Variants in DAPK2 observed in about 807,000 individuals in gnomAD.
DAPK2 encodes death-associated protein kinase 2.
In DAPK2, 35 loss-of-function variants were observed where a neutral mutation model predicts 44.1. The observed-to-expected ratio is 0.79, with a 90% confidence interval of 0.61 to 1.05. The LOEUF is 1.05. Among genes scored for constraint, DAPK2 ranks in the 50% least tolerant of loss-of-function variants. The probability of loss-of-function intolerance (pLI) is 0.00; values close to 1 mark genes in which losing one functional copy is unlikely to be tolerated. For missense variants in DAPK2, 453 were observed against 483.2 expected (o/e 0.94, Z 0.59); for synonymous variants, 174 against 182.6 (o/e 0.95, Z 0.38).
intron 8 of DAPK2, among the ~76,000 whole-genome samples, chr15:63,915,768 G>A (rs1338111847): frequency 3.3e-5 from 5 of 152,182 alleles, no homozygotes; most frequent in African/African-American, 1.2e-4. Context: ...GCAGCATGGG[G>A]CTATCATTCT....
chr15:63,920,044 T>A (rs1394067033), intron 8 of DAPK2: 1 of 152,190 alleles, frequency 6.6e-6, no homozygotes, highest in African/African-American at 2.4e-5. Context: ...TTTGCCATCT[T>A]TCATTGGTTC....
At chr15:63,915,764 T>C (rs2078910803) in intron 8 of DAPK2, among the ~76,000 whole-genome samples, 1 of 152,204 alleles carries the variant, frequency 6.6e-6, no homozygotes. Flanking sequence ...GGAGGCAGCA[T>C]GGGGCTATCA....
intron 3 of DAPK2, among the ~76,000 whole-genome samples, chr15:63,958,080 T>C (rs1221201085): frequency 6.6e-6 from 1 of 152,178 alleles, no homozygotes; most frequent in Non-Finnish European, 1.5e-5. Context: ...CTCATTGTGG[T>C]TTTGATTTGC....
At position 63,996,068 on chromosome 15, in the gene DAPK2, T is replaced by C. The variant is rs1454056732; in HGVS notation, c.93-12314A>G. ...TGATGACCTAGATGTTGGGTGTATTTCCTCCTTCTTCCTTTGCACCATGGA... is the reference window on the plus strand; with the variant it reads ...TGATGACCTAGATGTTGGGTGTATTCCCTCCTTCTTCCTTTGCACCATGGA... On this transcript the variant is annotated intron_variant, in intron 1 of 10. Coordinates refer to ENST00000261891, the Ensembl canonical transcript of DAPK2. Among the ~76,000 whole-genome samples the C allele has an allele frequency of 2.0e-5, 3 of 152,260 alleles. No homozygotes were observed. In the East Asian group the frequency reaches 5.8e-4, roughly 29 times the overall value.
At chr15:63,959,231 T>C (rs2077816302) in intron 3 of DAPK2, among the ~76,000 whole-genome samples, 1 of 152,244 alleles carries the variant, frequency 6.6e-6, no homozygotes. Flanking sequence ...CTGAAGTTGC[T>C]TATCAGCTTA....
chr15:64,018,276 C>G (rs1169804708), intron 1 of DAPK2, among the ~76,000 whole-genome samples: 1 of 152,142 alleles, frequency 6.6e-6, no homozygotes, highest in Non-Finnish European at 1.5e-5. Flanking sequence ...TGGAAGAAAT[C>G]AGCACTTGGC....
chr15:63,948,986 C>A (rs1403861251), intron 3 of DAPK2, among the ~76,000 whole-genome samples: 6 of 152,190 alleles, frequency 3.9e-5, no homozygotes, highest in Non-Finnish European at 8.8e-5. Flanking sequence ...ATCCTGTGTG[C>A]TCTCCACTCT....
In DAPK2 at chr15:63,923,486, G is replaced by A. The variant is rs1300293478; in HGVS notation, c.858+1330C>T. On this transcript the variant is annotated intron_variant, in intron 8 of 10. Transcript: ENST00000261891. The surrounding 1 kb of genome is among the most constrained non-coding windows in gnomAD (Gnocchi z 4.2). The stretch of plus-strand genomic sequence containing the variant: ...GCCATGGGGAGAACCAGGGTGGGAT[G>A]AGCACCTCCTTAGGCCATAAGTGAG... 1.6e-5 allele frequency: 23 copies of A among 1,417,404 alleles called. No individual in the cohort carries two copies. The highest frequency in any genetic ancestry group is 2.0e-5 in the Non-Finnish European group (22 of 1,078,634). 87.8% of individuals were successfully genotyped at this position (1,417,404 alleles called of 1,614,324 possible). A position where few individuals can be genotyped will look rare whatever the true frequency, so the allele number is the denominator to read the frequency against.
Position 63,908,553 on chromosome 15 carries a change from G to T in DAPK2, c.1080C>A (p.Ala360=). 6.2e-7 allele frequency: 1 copy of T among 1,602,360 alleles called. No individual in the cohort carries two copies. The highest frequency in any genetic ancestry group is 8.5e-7 in the Non-Finnish European group (1 of 1,175,702). The stretch of plus-strand genomic sequence containing the variant: ...TGCTGCTCCTCCTCCGTGGGTGGAG[G>T]GCTTTCCTCCTGGCGATGTCCTCCT... The change falls in exon 11 of 11, where the codon GCC becomes GCA. Residue 360 remains alanine (A), a synonymous_variant. Coordinates refer to ENST00000261891, the Ensembl canonical transcript of DAPK2. This position sits in a 1 kb window ranked among gnomAD's most constrained non-coding sequence, Gnocchi z 5.7.
intron 1 of DAPK2, among the ~76,000 whole-genome samples, chr15:64,018,383 A>G (rs1339574175): frequency 2.0e-5 from 3 of 152,210 alleles, no homozygotes; most frequent in Non-Finnish European, 4.4e-5. Context: ...CGAAAAAGCT[A>G]AACAGCCTTA....
intron 1 of DAPK2, among the ~76,000 whole-genome samples, chr15:63,994,319 C>G (rs975808261): frequency 1.2e-4 from 18 of 152,180 alleles, no homozygotes; most frequent in Non-Finnish European, 2.6e-4. Flanking sequence ...TGGCTGGCCC[C>G]CAGTGCAGCA....
Position 63,912,098 on chromosome 15 carries a change from C to T in DAPK2, c.948+10G>A. The T allele has an allele frequency of 1.9e-6, 3 of 1,613,420 alleles. No individual in the cohort carries two copies. The highest frequency in any genetic ancestry group is 2.5e-6 in the Non-Finnish European group (3 of 1,179,768). ...CACCCTGTCCCCCGCCGCCCCAACCCTGGACACACCTTCCACCGCCTGCGG... is the reference window on the plus strand; with the variant it reads ...CACCCTGTCCCCCGCCGCCCCAACCTTGGACACACCTTCCACCGCCTGCGG... On this transcript the variant is annotated intron_variant, in intron 9 of 10. Coordinates refer to ENST00000261891, the Ensembl canonical transcript of DAPK2. This position sits in a 1 kb window ranked among gnomAD's most constrained non-coding sequence, Gnocchi z 4.4.
At chr15:63,994,509 C>G (rs1489564683) in intron 1 of DAPK2, among the ~76,000 whole-genome samples, 3 of 151,660 alleles carry the variant, frequency 2.0e-5, no homozygotes, top group Non-Finnish European at 4.4e-5. Context: ...TTAGTCCCAC[C>G]TTTCTAAGAT....
chr15:64,035,051 C>CTAG (rs2141173741), intron 1 of DAPK2, among the ~76,000 whole-genome samples: 1 of 152,052 alleles, frequency 6.6e-6, no homozygotes, highest in East Asian at 1.9e-4. Context: ...GCCTGTAATC[C>CTAG]TAGCTACTCG....
rs544758942 is a variant in DAPK2 at position 64,022,047 on chromosome 15, G to A, written c.92+18123C>T. ...GTGGAGATGGCCTAGACGTTGGTCT[G>A]GAAGCACTTACCTTGCAAAGAGGAA... On this transcript the variant is annotated intron_variant, in intron 1 of 10. Transcript: ENST00000261891. 6.6e-5 allele frequency among the ~76,000 whole-genome samples: 10 copies of A among 152,276 alleles called. No individual in the cohort carries two copies. In the South Asian group the frequency reaches 2.1e-3, roughly 32 times the overall value.
At chr15:64,001,627 A>G (rs527573478) in intron 1 of DAPK2, among the ~76,000 whole-genome samples, 4 of 152,256 alleles carry the variant, frequency 2.6e-5, no homozygotes, top group South Asian at 4.1e-4. Context: ...CCCGGGCTGT[A>G]CTTCCCCTCC....
At chr15:63,957,173 G>C (rs1649428843) in intron 3 of DAPK2, among the ~76,000 whole-genome samples, 1 of 152,044 alleles carries the variant, frequency 6.6e-6, no homozygotes. Context: ...ATTATATAAT[G>C]GCTTTGTCTC....
chr15:63,914,672 T>C (rs1226746544), intron 8 of DAPK2, among the ~76,000 whole-genome samples: 1 of 152,128 alleles, frequency 6.6e-6, no homozygotes, highest in Non-Finnish European at 1.5e-5. Context: ...CCACCCTGAT[T>C]TTCTACCTCT....
rs778003669 is a variant in DAPK2, at chr15:63,939,654, TC to T, written c.454-294del. Among the ~76,000 whole-genome samples the T allele has an allele frequency of 2.0e-5, 3 of 152,318 alleles. No individual in the cohort carries two copies. The highest frequency in any genetic ancestry group is 6.5e-5 in the Admixed American group (1 of 15,308). On this transcript the variant is annotated intron_variant, in intron 3 of 10. Transcript: ENST00000261891. This position sits in a 1 kb window ranked among gnomAD's most constrained non-coding sequence, Gnocchi z 4.3. ...CTCCATTCTGTCTCTGAGTGGCAGATCCCTTTAATGCAGTGCCTCTGTTTTC... is the reference window on the plus strand; with the variant it reads ...CTCCATTCTGTCTCTGAGTGGCAGATCCTTTAATGCAGTGCCTCTGTTTTC...
Sources: allele counts gnomAD v4.1 joint callset (sites outside exome capture counted in the v4.1 genomes callset), GRCh38; gene constraint gnomAD v4.1.1; non-coding constraint Gnocchi (gnomAD v3.1); transcripts MANE v1.5; gene names NCBI Gene and HGNC (gene_info 2026-07-23, HGNC 2026-07-21).